The following MEGF10 variants were observed in gnomAD, a reference collection of about 807,000 sequenced individuals.
MEGF10 encodes multiple epidermal growth factor-like domains protein 10.
A neutral mutation model predicts 147.5 loss-of-function variants in MEGF10; 86 were observed. The observed-to-expected ratio is 0.58, with a 90% confidence interval of 0.49 to 0.70. The LOEUF is 0.70. Among genes scored for constraint, MEGF10 ranks in the 30% least tolerant of loss-of-function variants. The pLI is 0.00. For synonymous variants in MEGF10, 478 were observed against 525.5 expected (o/e 0.91, Z 1.24); for missense variants, 1,329 against 1,487.3 (o/e 0.89, Z 1.75).
chr5:127,231,231 C>A, the MEGF10 span, among the ~76,000 whole-genome samples: 1 of 152,238 alleles, frequency 6.6e-6, no homozygotes, highest in African/African-American at 2.4e-5. Flanking sequence ...GCTTAAAGCA[C>A]ATCAAATAAA....
intron 4 of MEGF10, among the ~76,000 whole-genome samples, chr5:127,345,381 G>A (rs1761846543): frequency 1.3e-5 from 2 of 152,122 alleles, no homozygotes; most frequent in South Asian, 4.1e-4. Flanking sequence ...CTGGTCCACA[G>A]AGCAGACTTT....
At chr5:127,358,976 T>G (rs796220637) in intron 4 of MEGF10, among the ~76,000 whole-genome samples, 2 of 152,216 alleles carry the variant, frequency 1.3e-5, no homozygotes, top group East Asian at 3.9e-4. Flanking sequence ...AATAAATGAA[T>G]AGGATTATGT....
At chr5:127,260,811 A>C in the MEGF10 span, among the ~76,000 whole-genome samples, 1 of 152,336 alleles carries the variant, frequency 6.6e-6, no homozygotes, top group Middle Eastern at 3.4e-3. Flanking sequence ...GACAAAAGGA[A>C]GGGAGAAAAT....
At chr5:127,451,094 C>G (rs896820924) in intron 22 of MEGF10, among the ~76,000 whole-genome samples, 1 of 152,196 alleles carries the variant, frequency 6.6e-6, no homozygotes, top group Non-Finnish European at 1.5e-5. Flanking sequence ...TGGGTGGACT[C>G]TCTCCTGTGA....
At chr5:127,371,479 T>C (rs576648287) in intron 5 of MEGF10, among the ~76,000 whole-genome samples, 1 of 152,248 alleles carries the variant, frequency 6.6e-6, no homozygotes, top group Admixed American at 6.5e-5. Context: ...CTAGACATCT[T>C]GAAGAAAAAT....
chr5:127,455,599 A>G lies in MEGF10; in HGVS notation c.3224A>G (p.Tyr1075Cys), dbSNP rs1302032599. The change falls in exon 24 of 25, where the codon TAT becomes TGT. Residue 1075 changes from tyrosine (Y) to cysteine (C), a missense_variant. Physicochemically the swap from Tyr to Cys is radical, Grantham distance 194. This residue lies in a region of MEGF10 where 343 missense variants were observed against 377.9 expected (regional missense o/e 0.91). Coordinates refer to ENST00000503335, the MANE Select transcript of MEGF10 (RefSeq NM_001256545.2). ...TCAACTTCAGCCAACAGGAATGTCT[A>G]TGAAGTTGGTGAGTTCCCTTAACCA... ...NNSTSANRNV[Y>C]EVEPTVSVVQ... 1.9e-6 allele frequency: 3 copies of G among 1,613,966 alleles called. No individual in the cohort carries two copies. Among genetic ancestry groups the G allele is most frequent in the African/African-American group, 2.7e-5 (2 of 74,922 alleles).
chr5:127,322,109 GAA>G (rs78102287), intron 1 of MEGF10, among the ~76,000 whole-genome samples: 10 of 140,638 alleles, frequency 7.1e-5, no homozygotes, highest in African/African-American at 2.6e-4. Context: ...TAGGTTAAAA[GAA>G]AAAAAAAAAG....
At chr5:127,258,791 G>A in the MEGF10 span, among the ~76,000 whole-genome samples, 2 of 152,180 alleles carry the variant, frequency 1.3e-5, no homozygotes, top group Non-Finnish European at 2.9e-5. Context: ...CATGTGTGAT[G>A]TAACAAGAAG....
At position 127,339,256 on chromosome 5, in the gene MEGF10, T is replaced by C. The variant is rs750748021; in HGVS notation, c.218+35T>C. 8.6e-6 allele frequency: 12 copies of C among 1,389,412 alleles called. No individual in the cohort carries two copies. The South Asian group carries it at 1.4e-4, about 16-fold the overall frequency. 86.1% of individuals were successfully genotyped at this position (1,389,412 alleles called of 1,614,324 possible). On this transcript the variant is annotated intron_variant, in intron 3 of 24. Coordinates refer to ENST00000503335, the MANE Select transcript of MEGF10 (RefSeq NM_001256545.2). The stretch of plus-strand genomic sequence containing the variant: ...GCTCAGGCATGTTTGTGAGTTTGGC[T>C]AACTGGGAATAGATTCTAATACAGA...
intron 13 of MEGF10, among the ~76,000 whole-genome samples, chr5:127,426,699 A>G (rs1209491483): frequency 6.6e-6 from 1 of 152,242 alleles, no homozygotes; most frequent in Non-Finnish European, 1.5e-5. Flanking sequence ...GTGTGTTTCC[A>G]GAGTAGTGGA....
At chr5:127,300,885 G>A (rs1307163928) in intron 1 of MEGF10, among the ~76,000 whole-genome samples, 1 of 152,112 alleles carries the variant, frequency 6.6e-6, no homozygotes, top group African/African-American at 2.4e-5. Context: ...TGTTAGCAGA[G>A]CCCCACTCTT....
the MEGF10 span, among the ~76,000 whole-genome samples, chr5:127,267,045 A>C: frequency 6.6e-6 from 1 of 152,176 alleles, no homozygotes; most frequent in African/African-American, 2.4e-5. Context: ...TCAGTATGAT[A>C]TTGGCTGTGG....
At chr5:127,247,397 A>G in the MEGF10 span, among the ~76,000 whole-genome samples, 29 of 47,482 alleles carry the variant, frequency 6.1e-4, no homozygotes, top group African/African-American at 2.8e-3. Context: ...AAGAAGAAGA[A>G]GAAGAAGAAG....
intron 4 of MEGF10, among the ~76,000 whole-genome samples, chr5:127,342,881 C>G (rs981457319): frequency 6.6e-6 from 1 of 152,080 alleles, no homozygotes; most frequent in Non-Finnish European, 1.5e-5. Flanking sequence ...AGCTTACTCT[C>G]TAGTCTCACT....
chr5:127,427,119 G>A (rs1230657175), intron 13 of MEGF10, among the ~76,000 whole-genome samples: 2 of 152,186 alleles, frequency 1.3e-5, no homozygotes, highest in African/African-American at 4.8e-5. Flanking sequence ...TTAGCCCCTT[G>A]GGCAGGGGCT....
At chr5:127,419,900 C>T (rs1024963272) in intron 11 of MEGF10, 144 bp from the exon 12 acceptor site, 4 of 946,808 alleles carry the variant, frequency 4.2e-6, no homozygotes, top group Non-Finnish European at 6.2e-6. Flanking sequence ...GGAGGCCTAA[C>T]TTGGCAGAAC....
intron 1 of MEGF10, among the ~76,000 whole-genome samples, chr5:127,306,566 C>T (rs1436627074): frequency 6.6e-6 from 1 of 152,188 alleles, no homozygotes; most frequent in Non-Finnish European, 1.5e-5. Flanking sequence ...GGGGACTGGG[C>T]CTCACAGCTT....
the MEGF10 span, among the ~76,000 whole-genome samples, chr5:127,266,703 C>T: frequency 6.6e-6 from 1 of 152,130 alleles, no homozygotes; most frequent in Admixed American, 6.5e-5. Context: ...GGAGTTCACT[C>T]ATGATTTAGC....
Position 127,410,571 on chromosome 5 carries a change from G to T in MEGF10, c.1100G>T (p.Arg367Leu), listed in dbSNP as rs371522377. 3.1e-6 allele frequency: 5 copies of T among 1,610,224 alleles called. No individual in the cohort carries two copies. Among genetic ancestry groups the T allele is most frequent in the Non-Finnish European group, 4.2e-6 (5 of 1,179,736 alleles). The change falls in exon 9 of 25, where the codon CGG (arginine) becomes CTG (leucine). Residue 367 changes from arginine to leucine, a missense_variant. Coordinates refer to ENST00000503335, the MANE Select transcript of MEGF10 (RefSeq NM_001256545.2). The stretch of plus-strand genomic sequence containing the variant: ...CTCTACGGCATCAAATGTGACAAAC[G>T]GTGTCCCTGCCACCTGGAAAACACT... ...EGLYGIKCDK[R>L]CPCHLENTHS...
Sources: gnomAD v4.1 joint callset for allele counts (sites outside exome capture counted in the v4.1 genomes callset) on GRCh38, gnomAD v4.1.1 for gene constraint, gnomAD v4.1.1 regional missense constraint, MANE v1.5 for transcripts, NCBI Gene and HGNC (gene_info 2026-07-23, HGNC 2026-07-21) for gene names.